The following GPR160 variants were observed in gnomAD, a reference collection of about 807,000 sequenced individuals.
The protein encoded by GPR160 is G protein-coupled receptor 160, also known as probable G protein-coupled receptor 160.
In GPR160, 2 loss-of-function variants were observed where a neutral mutation model predicts 2.6. The ratio of observed to expected loss-of-function variants is 0.77; its 90% CI spans 0.32 to 2.44. The LOEUF (loss-of-function observed/expected upper bound fraction) is 2.44. Ranked by LOEUF, GPR160 falls within the 30% of genes most tolerant of loss-of-function variation. The pLI is 0.11. For missense variants in GPR160, 351 were observed against 383.6 expected (o/e 0.91, Z 0.71); for synonymous variants, 130 against 132.2 (o/e 0.98, Z 0.12).
Position 170,084,669 on chromosome 3 carries a change from A to G in GPR160, c.697A>G (p.Thr233Ala). The G allele has an allele frequency of 6.2e-7, 1 of 1,610,442 alleles. No individual in the cohort carries two copies. Among genetic ancestry groups the G allele is most frequent in the Non-Finnish European group, 8.5e-7 (1 of 1,176,986 alleles). Reference sequence around the variant, plus strand: ...TCCTTTTTCATCCCACTCCAGTTATACTGTGAGATCTAAAAAAATATTCTT... The same window carrying G: ...TCCTTTTTCATCCCACTCCAGTTATGCTGTGAGATCTAAAAAAATATTCTT... ...YFPFSSHSSY[T>A]VRSKKIFLSK... Residue 233 changes from threonine (T) to alanine (A), a missense_variant, in exon 4 of 4, where the codon ACT becomes GCT. Thr to Ala is a moderately conservative substitution (Grantham distance 58). Coordinates refer to ENST00000355897, the MANE Select transcript of GPR160 (RefSeq NM_014373.3).
At chr3:170,076,124 G>A (rs1318933619) in intron 2 of GPR160, among the ~76,000 whole-genome samples, 1 of 152,188 alleles carries the variant, frequency 6.6e-6, no homozygotes, top group Non-Finnish European at 1.5e-5. Flanking sequence ...TATCTAGGGA[G>A]GGAAACTGGC....
chr3:170,062,334 C>G, intron 2 of GPR160: 1 of 271,114 alleles, frequency 3.7e-6, no homozygotes, highest in South Asian at 3.8e-5. Context: ...GCAGAGGGGT[C>G]CAGGGAGGCG....
chr3:170,062,624 G>T, intron 2 of GPR160: 8 of 1,368,316 alleles, frequency 5.8e-6, no homozygotes, highest in Non-Finnish European at 8.2e-6. Context: ...AAAACCTCCG[G>T]CCTCGTCTTG....
intron 2 of GPR160, among the ~76,000 whole-genome samples, chr3:170,073,754 T>C (rs1202589247): frequency 6.6e-6 from 1 of 152,146 alleles, no homozygotes; most frequent in Admixed American, 6.6e-5. Flanking sequence ...TGAAATGAGT[T>C]GGGAGGTACT....
intron 2 of GPR160, chr3:170,077,425 T>C (rs1203737279): frequency 2.6e-5 from 4 of 152,126 alleles, no homozygotes; most frequent in African/African-American, 9.7e-5. Flanking sequence ...AGGTAATCGG[T>C]CAGAGTGGTG....
chr3:170,061,627 C>T (rs1007927188), intron 2 of GPR160, among the ~76,000 whole-genome samples: 2 of 151,928 alleles, frequency 1.3e-5, no homozygotes, highest in Non-Finnish European at 2.9e-5. Flanking sequence ...GGGAAAATAT[C>T]GAGATAAAAT....
intron 2 of GPR160, chr3:170,062,515 C>T: frequency 3.1e-6 from 2 of 638,278 alleles, no homozygotes; most frequent in South Asian, 3.2e-5. Flanking sequence ...GAAAAGAATG[C>T]AACACGGAGC....
At position 170,084,846 on chromosome 3, in the gene GPR160, T is replaced by G. The variant is rs552972161; in HGVS notation, c.874T>G (p.Tyr292Asp). Residue 292 changes from tyrosine to aspartate, a missense_variant, in exon 4 of 4, where the codon TAT (tyrosine) becomes GAT (aspartate). Tyr to Asp is a radical substitution (Grantham distance 160). Coordinates refer to ENST00000355897, the MANE Select transcript of GPR160 (RefSeq NM_014373.3). ...CAATAGTTTTCTCATTGCTACAGTG[T>G]ATTGGTTTAATTGTCACAAGCTTAA... ...FVNSFLIATV[Y>D]WFNCHKLNLK... 4.0e-5 allele frequency: 64 copies of G among 1,610,472 alleles called. 3 individuals are homozygous for G. The South Asian group carries it at 6.8e-4, about 17-fold the overall frequency.
At chr3:170,056,846 A>G (rs1440149970) in intron 2 of GPR160, among the ~76,000 whole-genome samples, 3 of 152,244 alleles carry the variant, frequency 2.0e-5, no homozygotes, top group Admixed American at 2.0e-4. Context: ...ATCACAAGGT[A>G]GTTGAACCAT....
intron 2 of GPR160, among the ~76,000 whole-genome samples, chr3:170,041,707 A>C (rs1205249210): frequency 1.3e-5 from 2 of 152,252 alleles, no homozygotes; most frequent in Non-Finnish European, 2.9e-5. Context: ...CAGTGAATTC[A>C]TGATGGTTCT....
rs1049727913 is a variant in GPR160 at position 170,044,184 on chromosome 3, C to T, written c.-193+5141C>T. Among the ~76,000 whole-genome samples, 64 of 151,780 alleles carry T rather than the reference C, an allele frequency of 4.2e-4. 1 individual carries two copies. The highest frequency in any genetic ancestry group is 1.9e-4 in the Non-Finnish European group (13 of 67,952). ...TACTAAAAATACAAAATTAGCCTGG[C>T]GTGGTGGTGTATGCCTGTAATCCCA... On this transcript the variant is annotated intron_variant, in intron 2 of 3. Coordinates refer to ENST00000355897, the MANE Select transcript of GPR160 (RefSeq NM_014373.3).
In GPR160 at chr3:170,079,780, C is replaced by A. The variant is rs895417580; in HGVS notation, c.-186C>A. 6.6e-6 allele frequency: 1 copy of A among 152,178 alleles called. No homozygotes were observed. The highest frequency in any genetic ancestry group is 1.5e-5 in the Non-Finnish European group (1 of 68,040). The allele number at this position is 152,178 out of a possible 1,614,324, so 9.4% of individuals were successfully genotyped here. ...TTTTCTATCTTTCACACAGAGCTTA[C>A]TCACATAGCATATTGGTATATCAAA... On this transcript the variant is annotated 5_prime_UTR_variant, in exon 3 of 4. Transcript: ENST00000355897.
chr3:170,080,700 C>T (rs1444690526), intron 3 of GPR160, among the ~76,000 whole-genome samples: 1 of 152,098 alleles, frequency 6.6e-6, no homozygotes, highest in Non-Finnish European at 1.5e-5. Flanking sequence ...TTGGATGTTG[C>T]CTACCTGGCT....
At chr3:170,081,489 G>GT (rs1186618282) in intron 3 of GPR160, among the ~76,000 whole-genome samples, 14 of 152,072 alleles carry the variant, frequency 9.2e-5, no homozygotes, top group African/African-American at 3.1e-4. Context: ...TAGATTATTT[G>GT]TATACCTTAA....
chr3:170,063,029 AG>A (rs1284086628), intron 2 of GPR160: 27 of 184,794 alleles, frequency 1.5e-4, no homozygotes, highest in African/African-American at 6.2e-4. Context: ...CCATCCTGGG[AG>A]GCAGAGGGAG....
At chr3:170,075,453 A>G (rs1440790043) in intron 2 of GPR160, among the ~76,000 whole-genome samples, 3 of 152,224 alleles carry the variant, frequency 2.0e-5, no homozygotes, top group African/African-American at 7.2e-5. Flanking sequence ...TTAGTCAGGA[A>G]AGGCCAAATC....
chr3:170,070,818 T>C (rs1386087085), intron 2 of GPR160, among the ~76,000 whole-genome samples: 2 of 152,252 alleles, frequency 1.3e-5, no homozygotes, highest in East Asian at 3.8e-4. Flanking sequence ...ATGTAGCCAA[T>C]TTCCTGCTAT....
chr3:170,044,343 A>G, intron 2 of GPR160, among the ~76,000 whole-genome samples: 1 of 151,600 alleles, frequency 6.6e-6, no homozygotes, highest in Non-Finnish European at 1.5e-5. Flanking sequence ...AAAAAAAGAG[A>G]AGAGAAAAAT....
intron 2 of GPR160, among the ~76,000 whole-genome samples, chr3:170,066,297 C>G (rs927812272): frequency 6.6e-6 from 1 of 151,480 alleles, no homozygotes; most frequent in Non-Finnish European, 1.5e-5. Context: ...CCCATCACCA[C>G]GCCCGGCTAA....
Sources: gnomAD v4.1 joint callset for allele counts (sites outside exome capture counted in the v4.1 genomes callset) on GRCh38, gnomAD v4.1.1 for gene constraint, MANE v1.5 for transcripts, NCBI Gene and HGNC (gene_info 2026-07-23, HGNC 2026-07-21) for gene names.